Variants in DDX60L observed in about 807,000 individuals in gnomAD.
DDX60L encodes the protein DExD/H-box 60 like.
Under a neutral mutation model 211.6 loss-of-function variants are expected in DDX60L, and 191 were observed. The ratio of observed to expected loss-of-function variants is 0.90; its 90% confidence interval spans 0.80 to 1.02. DDX60L has a LOEUF of 1.02. Among genes scored for constraint, DDX60L ranks in the 50% least tolerant of loss-of-function variants. The probability of loss-of-function intolerance (pLI) is 0.00; values close to 1 mark genes in which losing one functional copy is unlikely to be tolerated. For missense variants in DDX60L, 2,007 were observed against 1,984.1 expected, an observed-to-expected ratio of 1.01 and a Z score of -0.22; for synonymous variants, 706 against 694.1, an observed-to-expected ratio of 1.02 and a Z score of -0.27.
chr4:168,456,063 G>C lies in DDX60L; in HGVS notation c.813C>G (p.Ser271=). 1 of 1,593,580 alleles carries C rather than the reference G, an allele frequency of 6.3e-7. No individual in the cohort carries two copies. Among genetic ancestry groups the C allele is most frequent in the Non-Finnish European group, 8.5e-7 (1 of 1,172,026 alleles). Residue 271 remains serine, a synonymous_variant, in exon 7 of 38, where the codon TCC becomes TCG. Transcript: ENST00000682922. ...RVLCVTSCSL[S]LRMYHRVLVH... is the part of the protein sequence containing the mutation. ...CTAAGACACGATGGTACATTCTCAAGGATAGTGAACATGAAGTGACACAGA... is the reference window on the plus strand; with the variant it reads ...CTAAGACACGATGGTACATTCTCAACGATAGTGAACATGAAGTGACACAGA...
intron 9 of DDX60L, among the ~76,000 whole-genome samples, chr4:168,447,579 A>T (rs1243814088): frequency 2.0e-5 from 3 of 152,030 alleles, no homozygotes; most frequent in Non-Finnish European, 4.4e-5. Flanking sequence ...AGACATATGC[A>T]CACATTATTG....
intron 20 of DDX60L, 114 bp downstream of exon 20, chr4:168,416,568 A>G (rs987446336): frequency 5.5e-6 from 3 of 547,622 alleles, no homozygotes; most frequent in Non-Finnish European, 8.8e-6. Flanking sequence ...AAGATTGGGT[A>G]ATAAATTTAT....
intron 5 of DDX60L, among the ~76,000 whole-genome samples, chr4:168,458,913 C>T (rs1382909630): frequency 6.6e-6 from 1 of 152,104 alleles, no homozygotes; most frequent in African/African-American, 2.4e-5. Context: ...TTTTCTTAAG[C>T]TCTGATAAAC....
intron 4 of DDX60L, among the ~76,000 whole-genome samples, chr4:168,463,061 G>C (rs1757531538): frequency 6.6e-6 from 1 of 152,160 alleles, no homozygotes; most frequent in South Asian, 2.1e-4. Flanking sequence ...GTGTAAATTA[G>C]TTTGACCATT....
At chr4:168,449,651 G>GAAAAA (rs1561098576) in intron 8 of DDX60L, among the ~76,000 whole-genome samples, 1 of 7,516 alleles carries the variant, frequency 1.3e-4, no homozygotes. Flanking sequence ...AAAAAAAAAT[G>GAAAAA]CAAAAAAAAA....
At chr4:168,430,437 A>T in intron 13 of DDX60L, 41 bp downstream of exon 13, 1 of 1,522,080 alleles carries the variant, frequency 6.6e-7, no homozygotes, top group Non-Finnish European at 8.8e-7. Context: ...AAAACAAAAC[A>T]ACATCAAAGA....
At chr4:168,466,933 G>A (rs573450705) in intron 4 of DDX60L, among the ~76,000 whole-genome samples, 1 of 151,954 alleles carries the variant, frequency 6.6e-6, no homozygotes, top group African/African-American at 2.4e-5. Flanking sequence ...CTTTTTAGAG[G>A]TTTTTTGTTT....
chr4:168,462,201 A>C (rs572523886), intron 4 of DDX60L, among the ~76,000 whole-genome samples, 161 bp from the exon 5 acceptor site: 10 of 152,364 alleles, frequency 6.6e-5, no homozygotes, highest in African/African-American at 2.4e-4. Flanking sequence ...AGTGCATGCC[A>C]CAGGTCAAAA....
chr4:168,377,595 A>G (rs1579245526), intron 33 of DDX60L: 1 of 152,190 alleles, frequency 6.6e-6, no homozygotes, highest in South Asian at 2.1e-4. Flanking sequence ...ATGTGTATGC[A>G]TTTAAGAAAA....
intron 9 of DDX60L, among the ~76,000 whole-genome samples, chr4:168,442,292 C>T (rs967993905): frequency 6.6e-6 from 1 of 152,172 alleles, no homozygotes; most frequent in African/African-American, 2.4e-5. Flanking sequence ...TGCACTTTTG[C>T]GACGGGCTTA....
Position 168,375,384 on chromosome 4 carries a change from T to C in DDX60L, c.4626A>G (p.Ser1542=), listed in dbSNP as rs1297638256. 1.2e-6 allele frequency: 2 copies of C among 1,612,060 alleles called. No individual in the cohort carries two copies. Among genetic ancestry groups the C allele is most frequent in the Non-Finnish European group, 1.7e-6 (2 of 1,178,984 alleles). The part of the protein sequence containing the change: ...NMKKEHQLPL[S]RIKFTGKECE... ...GAACTAAAATCTGCTTACTGATTCTTGACAAAGGGAGTTGATGCTCTTTTT... is the reference window on the plus strand; with the variant it reads ...GAACTAAAATCTGCTTACTGATTCTCGACAAAGGGAGTTGATGCTCTTTTT... Residue 1542 remains serine, a synonymous_variant, in exon 34 of 38, where the codon TCA becomes TCG. Transcript: ENST00000682922.
intron 36 of DDX60L, among the ~76,000 whole-genome samples, chr4:168,371,375 C>T (rs993572889): frequency 6.8e-6 from 1 of 147,282 alleles, no homozygotes; most frequent in African/African-American, 2.5e-5. Flanking sequence ...TTTCTAATCA[C>T]CAGAAATCAG....
In DDX60L at chr4:168,437,999, G is replaced by A. The variant is rs561107444; in HGVS notation, c.1294+3338C>T. Among the ~76,000 whole-genome samples, 16 of 152,142 alleles carry A rather than the reference G, an allele frequency of 1.1e-4. No individual in the cohort carries two copies. In the East Asian group the frequency reaches 1.4e-3, roughly 13 times the overall value. On this transcript the variant is annotated intron_variant, in intron 10 of 37. Coordinates refer to ENST00000682922, the MANE Select transcript of DDX60L (RefSeq NM_001012967.3). ...AGCGATTCTCCTGCCTCAGCCTCCC[G>A]AGTAGCTGGGATTACAGGCACATGC...
intron 30 of DDX60L, among the ~76,000 whole-genome samples, chr4:168,383,313 C>T (rs1242643416): frequency 1.3e-5 from 2 of 152,168 alleles, no homozygotes; most frequent in African/African-American, 4.8e-5. Context: ...GTGAAAAATA[C>T]TGGGGCAAAA....
chr4:168,376,538 A>C (rs558879140), intron 33 of DDX60L, among the ~76,000 whole-genome samples: 4 of 152,238 alleles, frequency 2.6e-5, no homozygotes, highest in African/African-American at 9.6e-5. Flanking sequence ...AACTCCTTAC[A>C]GTGGATAGTA....
chr4:168,379,190 T>A (rs1742487028), intron 32 of DDX60L, among the ~76,000 whole-genome samples, 173 bp downstream of exon 32: 1 of 152,226 alleles, frequency 6.6e-6, no homozygotes, highest in South Asian at 2.1e-4. Flanking sequence ...AGAATAAATA[T>A]CAGTTGACTT....
chr4:168,422,737 T>G, intron 15 of DDX60L, 67 bp from the exon 16 acceptor site: 1 of 1,250,242 alleles, frequency 8.0e-7, no homozygotes, highest in Non-Finnish European at 1.1e-6. Flanking sequence ...TTATTAAATA[T>G]CCACTGAGCA....
At chr4:168,468,029 T>C (rs1418639202) in intron 4 of DDX60L, among the ~76,000 whole-genome samples, 1 of 152,078 alleles carries the variant, frequency 6.6e-6, no homozygotes, top group Non-Finnish European at 1.5e-5. Flanking sequence ...CAGCCAGGCA[T>C]GGTGGCGCAT....
At chr4:168,359,265 A>C (rs1738694932) in intron 37 of DDX60L, among the ~76,000 whole-genome samples, 2 of 152,176 alleles carry the variant, frequency 1.3e-5, no homozygotes, top group African/African-American at 2.4e-5. Context: ...ATTCCTCCAG[A>C]GTTTCAGACA....
Sources: gnomAD v4.1 joint callset for allele counts (sites outside exome capture counted in the v4.1 genomes callset) on GRCh38, gnomAD v4.1.1 for gene constraint, MANE v1.5 for transcripts, NCBI Gene and HGNC (gene_info 2026-07-23, HGNC 2026-07-21) for gene names.